CELF4: variants seen among roughly 807,000 people sequenced by gnomAD.
CELF4 encodes the protein CUG-BP- and ETR-3-like factor 4.
CELF4 carries 18 observed loss-of-function variants against 59.9 expected under a neutral mutation model. The observed-to-expected ratio is 0.30, with a 90% CI of 0.21 to 0.45. The LOEUF is 0.45. CELF4 is among the 20% of genes least tolerant of loss of function. The pLI is 1.00. For missense variants in CELF4, 456 were observed against 689.0 expected (o/e 0.66, Z 3.79); for synonymous variants, 261 against 267.1 (o/e 0.98, Z 0.22).
intron 2 of CELF4, among the ~76,000 whole-genome samples, chr18:37,464,867 G>A (rs969353847): frequency 6.6e-6 from 1 of 152,188 alleles, no homozygotes; most frequent in South Asian, 2.1e-4. Context: ...GAAAGTCCAC[G>A]CTGATGTTCT....
chr18:37,486,260 AG>A (rs1336594702), intron 1 of CELF4, among the ~76,000 whole-genome samples: 1 of 152,176 alleles, frequency 6.6e-6, no homozygotes, highest in Non-Finnish European at 1.5e-5. Flanking sequence ...TTACAGCACT[AG>A]ACCACCCTTG....
chr18:37,252,653 TGCTCC>T (rs2066256557), intron 12 of CELF4, among the ~76,000 whole-genome samples: 1 of 148,846 alleles, frequency 6.7e-6, no homozygotes, highest in African/African-American at 2.5e-5. Flanking sequence ...TCACCTTCTA[TGCTCC>T]AATTCACTTC....
At chr18:37,524,814 C>T (rs4799935) in intron 1 of CELF4, among the ~76,000 whole-genome samples, 51,202 of 152,026 alleles carry the variant, frequency 0.34, 9,604 homozygotes, top group East Asian at 0.45. Flanking sequence ...CCCTCCGCGC[C>T]CCGGCCGCGG....
intron 12 of CELF4, among the ~76,000 whole-genome samples, chr18:37,250,062 T>G (rs1397230534): frequency 6.6e-6 from 1 of 152,040 alleles, no homozygotes; most frequent in Non-Finnish European, 1.5e-5. Flanking sequence ...GCCCAGTGTG[T>G]CTGGTAAGCA....
At chr18:37,394,971 C>T (rs1457158830) in intron 2 of CELF4, among the ~76,000 whole-genome samples, 1 of 140,276 alleles carries the variant, frequency 7.1e-6, no homozygotes, top group African/African-American at 2.6e-5. Flanking sequence ...CCGGCCTCCA[C>T]TCACTGTCCC....
intron 1 of CELF4, among the ~76,000 whole-genome samples, chr18:37,538,135 G>C (rs2099975100): frequency 6.6e-6 from 1 of 152,246 alleles, no homozygotes; most frequent in African/African-American, 2.4e-5. Flanking sequence ...AGGGATGGCG[G>C]GGTGGGAGGG....
At chr18:37,450,168 G>C (rs2099759199) in intron 2 of CELF4, among the ~76,000 whole-genome samples, 1 of 152,074 alleles carries the variant, frequency 6.6e-6, no homozygotes, top group Admixed American at 6.5e-5. Context: ...GTGTGGGAGG[G>C]TACAAGTTTG....
At chr18:37,347,286 G>T (rs965742826) in intron 2 of CELF4, among the ~76,000 whole-genome samples, 1 of 152,126 alleles carries the variant, frequency 6.6e-6, no homozygotes, top group Admixed American at 6.5e-5. Flanking sequence ...CCACGCCCAA[G>T]TTGGTTGGTG....
In CELF4 at chr18:37,502,493, C is replaced by T. The variant is rs919861466; in HGVS notation, c.287-16886G>A. On this transcript the variant is annotated intron_variant, in intron 1 of 12. Transcript: ENST00000420428. ...CAAAAAGGATGTAATCATCTCTCAC[C>T]GGGAAGGTGGTACAGGGCATCTCAT... 9.2e-5 allele frequency among the ~76,000 whole-genome samples: 14 copies of T among 152,228 alleles called. 1 individual carries two copies. In the East Asian group the frequency reaches 9.7e-4, roughly 11 times the overall value.
intron 1 of CELF4, among the ~76,000 whole-genome samples, chr18:37,553,199 A>T (rs6507206): frequency 0.8 from 120,077 of 150,872 alleles, 53,475 homozygotes; most frequent in Non-Finnish European, 0.98. Flanking sequence ...TTTTTTTTTT[A>T]AAATTGGATA....
At chr18:37,501,663 A>G (rs764095278) in intron 1 of CELF4, among the ~76,000 whole-genome samples, 1 of 152,210 alleles carries the variant, frequency 6.6e-6, no homozygotes, top group Non-Finnish European at 1.5e-5. Flanking sequence ...GAAACAGGGC[A>G]TCTGGGGAAC....
At chr18:37,533,197 A>C (rs2099970900) in intron 1 of CELF4, among the ~76,000 whole-genome samples, 1 of 152,066 alleles carries the variant, frequency 6.6e-6, no homozygotes, top group African/African-American at 2.4e-5. Context: ...ATTGCTGGAG[A>C]GCTTTGAGTT....
chr18:37,330,160 A>T (rs2097487466), intron 2 of CELF4, among the ~76,000 whole-genome samples: 1 of 152,148 alleles, frequency 6.6e-6, no homozygotes, highest in African/African-American at 2.4e-5. Flanking sequence ...CTCTCCAGAG[A>T]CCCCGCCCTC....
rs1011932671 is a variant in CELF4 at position 37,513,208 on chromosome 18, G to A, written c.287-27601C>T. 3.3e-5 allele frequency among the ~76,000 whole-genome samples: 5 copies of A among 152,180 alleles called. No individual in the cohort carries two copies. The South Asian group carries it at 6.2e-4, about 19-fold the overall frequency. On this transcript the variant is annotated intron_variant, in intron 1 of 12. Transcript: ENST00000420428. ...TTTGTTCCCTGCCTCAATATGGGTC[G>A]CTTTGTCTTCCAAGGAAAACTCTGT...
intron 5 of CELF4, 112 bp downstream of exon 5, chr18:37,274,693 G>C: frequency 2.0e-6 from 3 of 1,497,002 alleles, no homozygotes; most frequent in African/African-American, 1.4e-5. Flanking sequence ...CCCGGAATAA[G>C]GGTCATGCTT....
intron 2 of CELF4, among the ~76,000 whole-genome samples, chr18:37,446,853 T>C (rs1219762296): frequency 1.3e-5 from 2 of 152,160 alleles, no homozygotes; most frequent in Admixed American, 6.5e-5. Context: ...ACCACATTAC[T>C]GGTCATTTTC....
chr18:37,455,760 G>C (rs752110070), intron 2 of CELF4, among the ~76,000 whole-genome samples: 9 of 152,204 alleles, frequency 5.9e-5, no homozygotes, highest in Non-Finnish European at 1.3e-4. Context: ...CACAGAGAAT[G>C]ACTGATCATA....
intron 1 of CELF4, among the ~76,000 whole-genome samples, chr18:37,500,945 C>T (rs1293835108): frequency 2.0e-5 from 3 of 152,222 alleles, no homozygotes; most frequent in African/African-American, 7.2e-5. Flanking sequence ...GAGGCCTCTC[C>T]TGCCTGGAAT....
chr18:37,326,113 G>A (rs768560809), intron 2 of CELF4, among the ~76,000 whole-genome samples: 7 of 152,162 alleles, frequency 4.6e-5, no homozygotes, highest in Non-Finnish European at 7.3e-5. Flanking sequence ...CCTGGGAGAG[G>A]AGGCCGGGCC....
Sources: gnomAD v4.1 joint callset for allele counts (sites outside exome capture counted in the v4.1 genomes callset) on GRCh38, gnomAD v4.1.1 for gene constraint, MANE v1.5 for transcripts, NCBI Gene and HGNC (gene_info 2026-07-23, HGNC 2026-07-21) for gene names.